TRIM54: variants seen among roughly 807,000 people sequenced by gnomAD.
TRIM54 encodes the protein tripartite motif containing 54.
TRIM54 carries 40 observed loss-of-function variants against 42.0 expected under a neutral mutation model. That is an observed-to-expected ratio of 0.95 (90% confidence interval 0.74 to 1.24). TRIM54 has a LOEUF of 1.24. Among genes scored for constraint, TRIM54 ranks in the 50% most tolerant of loss-of-function variants. The pLI, the probability that TRIM54 is intolerant of heterozygous loss-of-function variation, is 0.00. For missense variants in TRIM54, 485 were observed against 480.3 expected, an observed-to-expected ratio of 1.01 and a Z score of -0.09; for synonymous variants, 199 against 194.9, an observed-to-expected ratio of 1.02 and a Z score of -0.17.
intron 1 of TRIM54, among the ~76,000 whole-genome samples, chr2:27,292,341 T>TA (rs1342160419): frequency 2.6e-5 from 4 of 152,064 alleles, no homozygotes; most frequent in Non-Finnish European, 5.9e-5. Flanking sequence ...GAGGCTGAGG[T>TA]AGGAGGATCG....
At chr2:27,286,418 C>G (rs1199399506) in intron 1 of TRIM54, among the ~76,000 whole-genome samples, 1 of 152,138 alleles carries the variant, frequency 6.6e-6, no homozygotes. Context: ...CACATTAACC[C>G]CCTCTAATTT....
At chr2:27,282,971 G>A (rs1678428240) in intron 1 of TRIM54, 72 bp downstream of exon 1, 1 of 1,483,262 alleles carries the variant, frequency 6.7e-7, no homozygotes, top group Non-Finnish European at 9.1e-7. Flanking sequence ...GGTCAGAGCT[G>A]AGACCCCAGA....
intron 3 of TRIM54, among the ~76,000 whole-genome samples, chr2:27,302,611 G>A (rs1301755478): frequency 6.6e-6 from 1 of 151,584 alleles, no homozygotes; most frequent in African/African-American, 2.4e-5. Context: ...GGCCAACATG[G>A]TGAAACCCTT....
intron 1 of TRIM54, among the ~76,000 whole-genome samples, 157 bp downstream of exon 1, chr2:27,283,056 C>A (rs577468963): frequency 6.6e-6 from 1 of 152,256 alleles, no homozygotes; most frequent in East Asian, 1.9e-4. Flanking sequence ...GGGGTCCAAG[C>A]AAATCCCAGA....
At chr2:27,301,015 CAAGA>C (rs1679020534) in intron 3 of TRIM54, among the ~76,000 whole-genome samples, 1 of 151,776 alleles carries the variant, frequency 6.6e-6, no homozygotes, top group Non-Finnish European at 1.5e-5. Flanking sequence ...GGATCTCGCG[CAAGA>C]AAGAATTCAG....
chr2:27,286,133 C>T (rs976397749), intron 1 of TRIM54, among the ~76,000 whole-genome samples: 1 of 151,936 alleles, frequency 6.6e-6, no homozygotes, highest in African/African-American at 2.4e-5. Context: ...AATCTTACCT[C>T]CCCAACACAG....
chr2:27,290,915 T>C (rs1299510712), intron 1 of TRIM54, among the ~76,000 whole-genome samples: 1 of 152,224 alleles, frequency 6.6e-6, no homozygotes, highest in Non-Finnish European at 1.5e-5. Context: ...ACTCAACATT[T>C]GCAAAAGGTT....
intron 2 of TRIM54, among the ~76,000 whole-genome samples, chr2:27,299,014 G>A (rs964565283): frequency 6.6e-6 from 1 of 152,182 alleles, no homozygotes; most frequent in Non-Finnish European, 1.5e-5. Context: ...CCTGTCCTGT[G>A]GGACTTCCCT....
intron 1 of TRIM54, among the ~76,000 whole-genome samples, chr2:27,295,696 G>A (rs1678849736): frequency 6.6e-6 from 1 of 152,164 alleles, no homozygotes; most frequent in Non-Finnish European, 1.5e-5. Flanking sequence ...AGGTTGGGGA[G>A]AGCGGCTGCC....
At chr2:27,290,191 T>C (rs944215572) in intron 1 of TRIM54, among the ~76,000 whole-genome samples, 2 of 151,992 alleles carry the variant, frequency 1.3e-5, no homozygotes, top group Non-Finnish European at 2.9e-5. Flanking sequence ...CACTATCTCT[T>C]AAAAAAAATT....
rs538575049 is a variant in TRIM54 at position 27,292,262 on chromosome 2, A to T, written c.169-6305A>T. Among the ~76,000 whole-genome samples, 50 of 152,296 alleles carry T rather than the reference A, an allele frequency of 3.3e-4. No homozygotes were observed. In the South Asian group the frequency reaches 9.5e-3, roughly 29 times the overall value. ...ATTGGCCAAGATAGCCCAAGTCCTGATTACTTTTTTCTTTCTAAAAATTGT... is the reference window on the plus strand; with the variant it reads ...ATTGGCCAAGATAGCCCAAGTCCTGTTTACTTTTTTCTTTCTAAAAATTGT... On this transcript the variant is annotated intron_variant, in intron 1 of 8. Coordinates refer to ENST00000380075, the MANE Select transcript of TRIM54 (RefSeq NM_187841.3).
chr2:27,303,801 C>A (rs891767334), intron 3 of TRIM54, among the ~76,000 whole-genome samples: 1 of 151,960 alleles, frequency 6.6e-6, no homozygotes. Flanking sequence ...GATTTAGGAC[C>A]CCCCACAAAA....
In TRIM54 at chr2:27,304,943, C is replaced by A. The variant is rs756408716; in HGVS notation, c.514-16C>A. ...GCCAGGTCCCAGCTCTGAGTGCTGA[C>A]CTGTGTGTGTATCAGAGTGAGCTCA... On this transcript the variant is annotated splice_polypyrimidine_tract_variant and intron_variant, in intron 3 of 8. Transcript: ENST00000380075. 47 of 1,612,076 alleles carry A rather than the reference C, an allele frequency of 2.9e-5. No individual in the cohort carries two copies. The highest frequency in any genetic ancestry group is 3.7e-5 in the Non-Finnish European group (44 of 1,178,700).
intron 1 of TRIM54, among the ~76,000 whole-genome samples, chr2:27,291,418 C>G (rs1208569458): frequency 6.6e-6 from 1 of 152,080 alleles, no homozygotes; most frequent in Admixed American, 6.6e-5. Flanking sequence ...TATCCTTATT[C>G]TATACAATGT....
chr2:27,306,178 G>A lies in TRIM54; in HGVS notation c.867-35G>A, dbSNP rs2148206944. 1.7e-5 allele frequency: 27 copies of A among 1,613,936 alleles called. No homozygotes were observed. Among genetic ancestry groups the A allele is most frequent in the Non-Finnish European group, 2.3e-5 (27 of 1,179,990 alleles). ...GCTGGGGTGGGGCTTGAGAGTGCTGGGGCATTGCCAGCTGAGTCCGTGTGG... is the reference window on the plus strand; with the variant it reads ...GCTGGGGTGGGGCTTGAGAGTGCTGAGGCATTGCCAGCTGAGTCCGTGTGG... On this transcript the variant is annotated intron_variant, in intron 6 of 8. Transcript: ENST00000380075. The surrounding 1 kb of genome is among the most constrained non-coding windows in gnomAD (Gnocchi z 6.1).
chr2:27,282,683 T>G lies in TRIM54; in HGVS notation c.-49T>G. On this transcript the variant is annotated 5_prime_UTR_variant, in exon 1 of 9. Coordinates refer to ENST00000380075, the MANE Select transcript of TRIM54 (RefSeq NM_187841.3). ...TAAGCGAGGAAGGGTCTACAGGCAG[T>G]GAGTGAAGGCCAGGAGCAGGGCCCA... 6.4e-7 allele frequency: 1 copy of G among 1,564,694 alleles called. No individual in the cohort carries two copies. The highest frequency in any genetic ancestry group is 8.6e-7 in the Non-Finnish European group (1 of 1,158,498).
At chr2:27,301,349 AG>A (rs755269971) in intron 3 of TRIM54, among the ~76,000 whole-genome samples, 13 of 152,148 alleles carry the variant, frequency 8.5e-5, no homozygotes, top group Non-Finnish European at 1.9e-4. Flanking sequence ...CATGTTGGCC[AG>A]GCTGGTCTCA....
rs974444228 is a variant in TRIM54 at position 27,306,387 on chromosome 2, G to T, written c.991+50G>T. ...TGAGACGGGTTCGGACCCTCTGTGT[G>T]GGGGGTGCGGCGGGCACGATGGCCG... On this transcript the variant is annotated intron_variant, in intron 7 of 8. Coordinates refer to ENST00000380075, the MANE Select transcript of TRIM54 (RefSeq NM_187841.3). This position sits in a 1 kb window ranked among gnomAD's most constrained non-coding sequence, Gnocchi z 6.1. 8.7e-6 allele frequency: 14 copies of T among 1,613,330 alleles called. No homozygotes were observed. The highest frequency in any genetic ancestry group is 6.7e-5 in the African/African-American group (5 of 74,916).
intron 4 of TRIM54, 158 bp downstream of exon 4, chr2:27,305,212 G>A: frequency 1.6e-6 from 1 of 644,432 alleles, no homozygotes; most frequent in South Asian, 1.9e-5. Flanking sequence ...GCTGCTGGGT[G>A]TGCATTCCAG....
Sources: allele counts gnomAD v4.1 joint callset (sites outside exome capture counted in the v4.1 genomes callset), GRCh38; gene constraint gnomAD v4.1.1; non-coding constraint Gnocchi (gnomAD v3.1); transcripts MANE v1.5; gene names NCBI Gene and HGNC (gene_info 2026-07-23, HGNC 2026-07-21).